The following UNC5B variants were observed in gnomAD, a reference collection of about 807,000 sequenced individuals.
UNC5B encodes the protein netrin receptor UNC5B.
A neutral mutation model predicts 103.7 loss-of-function variants in UNC5B; 56 were observed. That is an observed-to-expected ratio of 0.54 (90% CI 0.44 to 0.67). The LOEUF (loss-of-function observed/expected upper bound fraction) is 0.67. Ranked by LOEUF, UNC5B falls within the 30% of genes least tolerant of loss-of-function variation. UNC5B has a pLI of 0.00. For synonymous variants in UNC5B, 577 were observed against 542.0 expected, an observed-to-expected ratio of 1.06 and a Z score of -0.90; for missense variants, 1,194 against 1,284.5, an observed-to-expected ratio of 0.93 and a Z score of 1.08.
chr10:71,272,459 C>A (rs560904901), intron 1 of UNC5B, among the ~76,000 whole-genome samples: 1 of 152,288 alleles, frequency 6.6e-6, no homozygotes, highest in Non-Finnish European at 1.5e-5. Context: ...CCTCTGAGGT[C>A]TCCGCCCTGG....
At chr10:71,248,790 T>C (rs1438333365) in intron 1 of UNC5B, among the ~76,000 whole-genome samples, 2 of 151,940 alleles carry the variant, frequency 1.3e-5, no homozygotes, top group African/African-American at 4.8e-5. Context: ...AACATTGACA[T>C]GCACCCACTT....
At chr10:71,269,100 T>C (rs1423159459) in intron 1 of UNC5B, among the ~76,000 whole-genome samples, 1 of 152,128 alleles carries the variant, frequency 6.6e-6, no homozygotes, top group African/African-American at 2.4e-5. Flanking sequence ...CAATAGCCTT[T>C]AAGGGAAAGC....
intron 1 of UNC5B, among the ~76,000 whole-genome samples, chr10:71,234,168 G>A (rs1384320766): frequency 6.6e-6 from 1 of 152,168 alleles, no homozygotes; most frequent in Admixed American, 6.5e-5. Flanking sequence ...GGGGGGCGGA[G>A]ATAAGGACAC....
At chr10:71,261,937 G>C (rs1189775633) in intron 1 of UNC5B, among the ~76,000 whole-genome samples, 1 of 149,632 alleles carries the variant, frequency 6.7e-6, no homozygotes, top group Non-Finnish European at 1.5e-5. Context: ...GGTTACAAGA[G>C]AGGCCTCAGT....
intron 1 of UNC5B, among the ~76,000 whole-genome samples, chr10:71,259,853 A>T (rs958448509): frequency 6.6e-6 from 1 of 152,168 alleles, no homozygotes; most frequent in African/African-American, 2.4e-5. Flanking sequence ...TCAAGGGTGT[A>T]TTCTGCCCAC....
Position 71,245,819 on chromosome 10 carries a change from G to A in UNC5B, c.79+32755G>A, listed in dbSNP as rs373510617. On this transcript the variant is annotated intron_variant, in intron 1 of 16. Coordinates refer to ENST00000335350, the MANE Select transcript of UNC5B (RefSeq NM_170744.5). ...GGGTGCCACAAGCTGGTGTCCTCCC[G>A]TTCCATTGTGACCCGGCTTGTCATC... Among the ~76,000 whole-genome samples the A allele has an allele frequency of 3.3e-5, 5 of 152,300 alleles. No homozygotes were observed. The East Asian group carries it at 5.8e-4, about 18-fold the overall frequency.
intron 1 of UNC5B, among the ~76,000 whole-genome samples, chr10:71,223,923 G>C (rs991612199): frequency 4.6e-5 from 7 of 152,248 alleles, no homozygotes; most frequent in African/African-American, 1.4e-4. Flanking sequence ...TTCTTAGCAG[G>C]AGCTGGGCTT....
chr10:71,293,734 C>A lies in UNC5B; in HGVS notation c.1976C>A (p.Thr659Lys), dbSNP rs1307899198. The A allele has an allele frequency of 6.3e-7, 1 of 1,591,362 alleles. No homozygotes were observed. ...ACCCTGGATGAGGAGACCCTGAACA[C>A]ACCCTGCTACTGCCAGCTGGAGCCC... ...VVTLDEETLNTPCYCQLEPRA... is the reference protein window; with the variant it reads ...VVTLDEETLNKPCYCQLEPRA... Residue 659 changes from threonine to lysine, a missense_variant, in exon 13 of 17, where the codon ACA becomes AAA. Transcript: ENST00000335350.
At chr10:71,298,816 C>T (rs1043610502) in intron 16 of UNC5B, among the ~76,000 whole-genome samples, 2 of 152,144 alleles carry the variant, frequency 1.3e-5, no homozygotes, top group Non-Finnish European at 2.9e-5. Flanking sequence ...TGATGATGAA[C>T]AAGATGGTTA....
chr10:71,298,209 C>T lies in UNC5B; in HGVS notation c.2672+119C>T. ...TCTCCCAGACCAGCTGCCCTTTTGC[C>T]ACCATTTGTGGCAAATCAGCAACTC... On this transcript the variant is annotated intron_variant, in intron 16 of 16. Transcript: ENST00000335350. 17 of 1,247,354 alleles carry T rather than the reference C, an allele frequency of 1.4e-5. 1 individual carries two copies. The South Asian group carries it at 2.6e-4, about 19-fold the overall frequency. The allele number at this position is 1,247,354 out of a possible 1,614,324, so 77.3% of individuals were successfully genotyped here.
At chr10:71,290,187 A>G (rs1211260951) in intron 8 of UNC5B, among the ~76,000 whole-genome samples, 1 of 152,212 alleles carries the variant, frequency 6.6e-6, no homozygotes, top group Non-Finnish European at 1.5e-5. Flanking sequence ...GTGGCTGCAT[A>G]CGGGACAGTG....
chr10:71,226,149 A>G (rs753777201), intron 1 of UNC5B, among the ~76,000 whole-genome samples: 13 of 152,154 alleles, frequency 8.5e-5, no homozygotes, highest in Non-Finnish European at 1.6e-4. Flanking sequence ...ATCTCGGCTC[A>G]CTGCAATCTC....
chr10:71,233,900 G>A (rs1329430137), intron 1 of UNC5B, among the ~76,000 whole-genome samples: 1 of 152,244 alleles, frequency 6.6e-6, no homozygotes, highest in African/African-American at 2.4e-5. Context: ...TCTTGGCTGA[G>A]GCCGCCAGGA....
chr10:71,235,037 C>T (rs36032641), intron 1 of UNC5B, among the ~76,000 whole-genome samples: 9,689 of 152,242 alleles, frequency 0.064, 368 homozygotes, highest in East Asian at 0.18. Context: ...CCTCCTCCCC[C>T]GGCCTGGCTG....
intron 1 of UNC5B, among the ~76,000 whole-genome samples, chr10:71,269,164 G>A (rs146885549): frequency 2.6e-4 from 39 of 151,988 alleles, no homozygotes; most frequent in African/African-American, 8.7e-4. Context: ...AAATATTCAT[G>A]CATCTAAAAA....
At position 71,279,878 on chromosome 10, in the gene UNC5B, C is replaced by T. The variant is rs1440844959; in HGVS notation, c.137C>T (p.Pro46Leu). Residue 46 changes from proline (P) to leucine (L), a missense_variant, in exon 2 of 17, where the codon CCG (proline) becomes CTG (leucine). Pro to Leu is a moderately conservative substitution (Grantham distance 98, BLOSUM62 -3). Transcript: ENST00000335350. ...TCCTTCCCGTCAGCGCCAGCAGAGC[C>T]GCTGCCCTACTTCCTGCAGGAGCCA... ...PDSFPSAPAE[P>L]LPYFLQEPQD... 12 of 1,613,846 alleles carry T rather than the reference C, an allele frequency of 7.4e-6. No homozygotes were observed. Among genetic ancestry groups the T allele is most frequent in the South Asian group, 5.5e-5 (5 of 91,078 alleles).
At position 71,302,108 on chromosome 10, in the gene UNC5B, G is replaced by GCGGAGGC. The variant is rs528807616; in HGVS notation, c.*2831_*2832insCGGAGGC. ...AAGGCTTTGCCGACTCCATCCGTCTGTGGAGGCTGCCTGCCTCCGGGGTGG... is the reference window on the plus strand; with the variant it reads ...AAGGCTTTGCCGACTCCATCCGTCTGCGGAGGCTGGAGGCTGCCTGCCTCCGGGGTGG... On this transcript the variant is annotated 3_prime_UTR_variant, in exon 17 of 17. Transcript: ENST00000335350. 5,339 of 152,352 alleles carry GCGGAGGC rather than the reference G, an allele frequency of 0.035. 123 individuals carry two copies. The highest frequency in any genetic ancestry group is 0.078 in the Middle Eastern group (23 of 294). The allele number at this position is 152,352 out of a possible 1,614,324, so 9.4% of individuals were successfully genotyped here.
rs997471961 is a variant in UNC5B, at chr10:71,213,516, G to A, written c.79+452G>A. ...TAGGCTCTTACGCGCTATAGGGACA[G>A]CAATCTGCAGACTAGAGGGAGAGAG... On this transcript the variant is annotated intron_variant, in intron 1 of 16. Transcript: ENST00000335350. This position sits in a 1 kb window ranked among gnomAD's most constrained non-coding sequence, Gnocchi z 4.1. 4.6e-5 allele frequency among the ~76,000 whole-genome samples: 7 copies of A among 152,220 alleles called. No individual in the cohort carries two copies. The highest frequency in any genetic ancestry group is 1.4e-4 in the African/African-American group (6 of 41,530).
At chr10:71,262,579 G>T (rs138961559) in intron 1 of UNC5B, among the ~76,000 whole-genome samples, 49 of 152,296 alleles carry the variant, frequency 3.2e-4, no homozygotes, top group African/African-American at 1.2e-3. Context: ...TGTGTGCCAG[G>T]CTGGCACTGG....
Sources: allele counts gnomAD v4.1 joint callset (sites outside exome capture counted in the v4.1 genomes callset), GRCh38; gene constraint gnomAD v4.1.1; non-coding constraint Gnocchi (gnomAD v3.1); transcripts MANE v1.5; gene names NCBI Gene and HGNC (gene_info 2026-07-23, HGNC 2026-07-21).